ROBO2: variants seen among roughly 807,000 people sequenced by gnomAD.
ROBO2 encodes the protein roundabout homolog 2.
A neutral mutation model predicts 160.8 loss-of-function variants in ROBO2; 53 were observed. The observed-to-expected ratio is 0.33, with a 90% CI of 0.26 to 0.41. The LOEUF is 0.41. Among genes scored for constraint, ROBO2 ranks in the 10% least tolerant of loss-of-function variants. ROBO2 has a pLI of 1.00. For synonymous variants in ROBO2, 664 were observed against 611.7 expected (o/e 1.09, Z -1.26); for missense variants, 1,577 against 1,722.4 (o/e 0.92, Z 1.49).
chr3:77,147,518 C>G (rs2077212881), intron 2 of ROBO2, among the ~76,000 whole-genome samples: 1 of 152,006 alleles, frequency 6.6e-6, no homozygotes, highest in Non-Finnish European at 1.5e-5. Context: ...AAAGTAAAAC[C>G]AAAATACTTT....
intron 2 of ROBO2, among the ~76,000 whole-genome samples, chr3:76,953,235 T>C (rs2079059976): frequency 6.6e-6 from 1 of 152,146 alleles, no homozygotes; most frequent in African/African-American, 2.4e-5. Flanking sequence ...AAGAAAACTT[T>C]TGGTAAGTGT....
chr3:77,180,416 C>CTATATATATATATATATATATA (rs71104657), intron 2 of ROBO2, among the ~76,000 whole-genome samples: 7 of 90,706 alleles, frequency 7.7e-5, no homozygotes, highest in Admixed American at 1.3e-4. Context: ...CTCTCTCTCT[C>CTATATATATATATATATATATA]TATATATATA....
At chr3:77,353,087 A>C (rs2068569008) in intron 2 of ROBO2, among the ~76,000 whole-genome samples, 1 of 62,086 alleles carries the variant, frequency 1.6e-5, no homozygotes, top group African/African-American at 6.1e-5. Flanking sequence ...TTAATGGCTT[A>C]AACTTTTTCA....
chr3:76,070,355 T>A (rs2068407857), intron 2 of ROBO2, among the ~76,000 whole-genome samples: 1 of 152,156 alleles, frequency 6.6e-6, no homozygotes, highest in Non-Finnish European at 1.5e-5. Context: ...TGGTCATCTC[T>A]TATGTTCGAC....
At chr3:76,760,140 T>C (rs1308434377) in intron 2 of ROBO2, among the ~76,000 whole-genome samples, 3 of 151,770 alleles carry the variant, frequency 2.0e-5, no homozygotes, top group African/African-American at 7.2e-5. Context: ...TACCCAGATA[T>C]CATATCAGCT....
chr3:77,266,709 C>G (rs1484178831), intron 2 of ROBO2, among the ~76,000 whole-genome samples: 5 of 152,032 alleles, frequency 3.3e-5, no homozygotes, highest in African/African-American at 1.2e-4. Flanking sequence ...TTAATCTTGT[C>G]TAATCCTTAG....
intron 2 of ROBO2, among the ~76,000 whole-genome samples, chr3:77,390,781 C>T (rs1334922428): frequency 6.6e-6 from 1 of 152,122 alleles, no homozygotes; most frequent in Non-Finnish European, 1.5e-5. Flanking sequence ...TCCATTATTC[C>T]TGTAAACCCT....
At chr3:77,094,904 A>G (rs1328087955) in intron 1 of ROBO2, among the ~76,000 whole-genome samples, 1 of 151,916 alleles carries the variant, frequency 6.6e-6, no homozygotes, top group Admixed American at 6.6e-5. Flanking sequence ...ATTTTTATTG[A>G]GTTATGAGTT....
intron 2 of ROBO2, among the ~76,000 whole-genome samples, chr3:76,580,831 C>G (rs1390455874): frequency 6.6e-6 from 1 of 151,944 alleles, no homozygotes; most frequent in Non-Finnish European, 1.5e-5. Context: ...ATAGCAGTAA[C>G]CACAAATGCT....
chr3:76,466,533 T>C (rs2078371375), intron 2 of ROBO2, among the ~76,000 whole-genome samples: 1 of 152,052 alleles, frequency 6.6e-6, no homozygotes. Context: ...ATAATATGAA[T>C]GTATGATGGT....
intron 2 of ROBO2, among the ~76,000 whole-genome samples, chr3:76,822,752 G>T (rs1258271056): frequency 6.6e-6 from 1 of 151,540 alleles, no homozygotes; most frequent in East Asian, 1.9e-4. Flanking sequence ...TGGGCAAAAA[G>T]GGGAAAAGAA....
intron 21 of ROBO2, among the ~76,000 whole-genome samples, chr3:77,610,659 T>C (rs535448413): frequency 6.7e-6 from 1 of 149,502 alleles, no homozygotes; most frequent in Non-Finnish European, 1.5e-5. Flanking sequence ...TTAGAATAGA[T>C]TGTTAGTCAA....
chr3:76,399,656 T>A (rs2077698016), intron 2 of ROBO2, among the ~76,000 whole-genome samples: 1 of 151,716 alleles, frequency 6.6e-6, no homozygotes, highest in African/African-American at 2.4e-5. Context: ...TAAAATTCCA[T>A]CTTATGGTAA....
chr3:76,513,758 C>G (rs2081218613), intron 2 of ROBO2, among the ~76,000 whole-genome samples: 1 of 152,144 alleles, frequency 6.6e-6, no homozygotes, highest in East Asian at 1.9e-4. Flanking sequence ...GTCCACTACC[C>G]AGTTTAAACA....
At chr3:77,107,717 C>T (rs147909298) in intron 2 of ROBO2, among the ~76,000 whole-genome samples, 19 of 152,208 alleles carry the variant, frequency 1.2e-4, no homozygotes, top group East Asian at 7.7e-4. Context: ...TACCAAGGAA[C>T]GAATGTGCCT....
At chr3:76,083,411 C>T (rs576227771) in intron 2 of ROBO2, among the ~76,000 whole-genome samples, 2 of 152,088 alleles carry the variant, frequency 1.3e-5, no homozygotes, top group Middle Eastern at 3.4e-3. Context: ...TCCAAAGTTG[C>T]ACTGGGAGTC....
intron 2 of ROBO2, among the ~76,000 whole-genome samples, chr3:76,513,626 A>T (rs1431941774): frequency 6.6e-6 from 1 of 152,234 alleles, no homozygotes; most frequent in African/African-American, 2.4e-5. Context: ...CAAATATTGA[A>T]TATAATTTAA....
intron 2 of ROBO2, among the ~76,000 whole-genome samples, chr3:75,994,338 T>A (rs2065664373): frequency 6.6e-6 from 1 of 152,212 alleles, no homozygotes; most frequent in Non-Finnish European, 1.5e-5. Flanking sequence ...ATGGTTTGGC[T>A]GTGGCGCCAT....
chr3:77,602,547 T>C lies in ROBO2; in HGVS notation c.3136+56T>C, dbSNP rs139116610. ...ATTTTCATATCATTTGTGCATGAGA[T>C]AGAAATTAGTATTTGTTGTTTGACT... On this transcript the variant is annotated intron_variant, in intron 20 of 25. Transcript: ENST00000461745. 15 of 1,582,348 alleles carry C rather than the reference T, an allele frequency of 9.5e-6. No individual in the cohort carries two copies. The East Asian group carries it at 3.1e-4, about 33-fold the overall frequency.
Sources: gnomAD v4.1 joint callset for allele counts (sites outside exome capture counted in the v4.1 genomes callset) on GRCh38, gnomAD v4.1.1 for gene constraint, MANE v1.5 for transcripts, NCBI Gene and HGNC (gene_info 2026-07-23, HGNC 2026-07-21) for gene names.